The following MEGF11 variants were observed in gnomAD, a reference collection of about 807,000 sequenced individuals.
The protein encoded by MEGF11 is multiple epidermal growth factor-like domains protein 11.
In MEGF11, 126 loss-of-function variants were observed where a neutral mutation model predicts 146.6. The ratio of observed to expected loss-of-function variants is 0.86; its 90% CI spans 0.74 to 1.00. The LOEUF is 1.00. Among genes scored for constraint, MEGF11 ranks in the 50% least tolerant of loss-of-function variants. The pLI is 0.00. For synonymous variants in MEGF11, 532 were observed against 583.4 expected, an observed-to-expected ratio of 0.91 and a Z score of 1.27; for missense variants, 1,509 against 1,521.2, an observed-to-expected ratio of 0.99 and a Z score of 0.13.
chr15:66,241,817 G>A (rs777231388), intron 1 of MEGF11, among the ~76,000 whole-genome samples: 4 of 151,798 alleles, frequency 2.6e-5, no homozygotes, highest in African/African-American at 4.8e-5. Flanking sequence ...AACCCAACAC[G>A]CAAAGACACA....
At chr15:66,135,437 C>T (rs1027611821) in intron 1 of MEGF11, among the ~76,000 whole-genome samples, 2 of 152,182 alleles carry the variant, frequency 1.3e-5, no homozygotes, top group Admixed American at 6.5e-5. Context: ...AGGCGGGGCC[C>T]TGCCCCAAGC....
chr15:65,992,452 G>GT (rs1567193595), intron 5 of MEGF11, among the ~76,000 whole-genome samples: 8 of 23,440 alleles, frequency 3.4e-4, no homozygotes, highest in African/African-American at 8.0e-4. Context: ...TGTGTGTGTG[G>GT]GGGGGGGGGT....
intron 7 of MEGF11, 68 bp from the exon 8 acceptor site, chr15:65,970,757 C>T: frequency 1.3e-6 from 2 of 1,524,712 alleles, no homozygotes; most frequent in Admixed American, 3.9e-5. Flanking sequence ...GGGAATGGCA[C>T]ACCTGCTGTG....
At chr15:66,088,371 AG>A (rs2086195515) in intron 5 of MEGF11, among the ~76,000 whole-genome samples, 3 of 152,222 alleles carry the variant, frequency 2.0e-5, no homozygotes, top group Admixed American at 1.3e-4. Context: ...TAACCAAATG[AG>A]GGGGCTGGGC....
intron 9 of MEGF11, among the ~76,000 whole-genome samples, chr15:65,961,191 A>T (rs1364944567): frequency 6.6e-6 from 1 of 152,206 alleles, no homozygotes; most frequent in East Asian, 1.9e-4. Flanking sequence ...GGTGGTCCCC[A>T]TTCTCTTGAG....
chr15:66,097,769 AT>A (rs1325996559), intron 4 of MEGF11, among the ~76,000 whole-genome samples: 35 of 140,860 alleles, frequency 2.5e-4, no homozygotes, highest in African/African-American at 6.6e-4. Context: ...AAAAAAAAAA[AT>A]GCCATCTGTT....
chr15:66,068,969 G>A (rs778685677), intron 5 of MEGF11, among the ~76,000 whole-genome samples: 8 of 152,214 alleles, frequency 5.3e-5, no homozygotes, highest in Non-Finnish European at 1.0e-4. Context: ...GGGACACAGC[G>A]GTGAGACACC....
chr15:65,965,800 G>A (rs1265112142), intron 8 of MEGF11, among the ~76,000 whole-genome samples: 1 of 151,490 alleles, frequency 6.6e-6, no homozygotes, highest in Non-Finnish European at 1.5e-5. Flanking sequence ...TCAGTCTTGG[G>A]TATTTTGTTA....
rs534071044 is a variant in MEGF11, at chr15:65,957,556, C to T, written c.1278G>A (p.Pro426=). ...GCCCCTCCCATCTTACCATGAAGCC[C>T]GGAGCACAAGTGCAGCCCCCAGTGA... The part of the protein sequence containing the change: ...HSITGGCTCA[P]GFMGEVCAVS... Residue 426 remains proline, a synonymous_variant, in exon 10 of 26, where the codon CCG becomes CCA. Coordinates refer to ENST00000395614, the MANE Select transcript of MEGF11 (RefSeq NM_001385028.1). 1.8e-4 allele frequency: 285 copies of T among 1,613,118 alleles called. No homozygotes were observed. Among genetic ancestry groups the T allele is most frequent in the Middle Eastern group, 6.7e-4 (4 of 5,928 alleles).
intron 1 of MEGF11, among the ~76,000 whole-genome samples, chr15:66,132,276 C>T (rs892220863): frequency 6.6e-6 from 1 of 152,230 alleles, no homozygotes. Context: ...CTCACATTAT[C>T]CAAGATGCAT....
Position 65,982,334 on chromosome 15 carries a change from C to G in MEGF11, c.549G>C (p.Lys183Asn). 6.5e-7 allele frequency: 1 copy of G among 1,530,834 alleles called. No homozygotes were observed. Among genetic ancestry groups the G allele is most frequent in the Non-Finnish European group, 8.8e-7 (1 of 1,139,718 alleles). 94.8% of individuals were successfully genotyped at this position (1,530,834 alleles called of 1,614,324 possible). Residue 183 changes from lysine to asparagine, a missense_variant, in exon 6 of 26, where the codon AAG (lysine) becomes AAC (asparagine). Coordinates refer to ENST00000395614, the MANE Select transcript of MEGF11 (RefSeq NM_001385028.1). The surrounding 1 kb of genome is among the most constrained non-coding windows in gnomAD (Gnocchi z 5.6). ...GGCACTGGCACGGCAGCTGGCATCC[C>G]TTGCCGTGGGTGCCAGGTGCGCAGA... ...EELCAPGTHG[K>N]GCQLPCQCRH... is the part of the protein sequence containing the mutation.
At chr15:66,101,896 G>A (rs2086824966) in intron 4 of MEGF11, among the ~76,000 whole-genome samples, 1 of 152,154 alleles carries the variant, frequency 6.6e-6, no homozygotes, top group South Asian at 2.1e-4. Context: ...AGCCCTGGGG[G>A]CCCTCTGTCA....
chr15:66,068,472 A>G (rs777131190), intron 5 of MEGF11, among the ~76,000 whole-genome samples: 10 of 152,230 alleles, frequency 6.6e-5, no homozygotes, highest in Non-Finnish European at 1.5e-4. Context: ...GTCCCCTGGC[A>G]TTAAAAACCA....
chr15:66,213,211 A>G (rs1016411335), intron 1 of MEGF11, among the ~76,000 whole-genome samples: 1 of 152,158 alleles, frequency 6.6e-6, no homozygotes, highest in Non-Finnish European at 1.5e-5. Flanking sequence ...AAATGAAATC[A>G]GCCAACTAGA....
At chr15:65,914,893 T>C (rs1181165048) in intron 19 of MEGF11, among the ~76,000 whole-genome samples, 1 of 152,204 alleles carries the variant, frequency 6.6e-6, no homozygotes, top group Non-Finnish European at 1.5e-5. Flanking sequence ...TGTTCACTTA[T>C]GGGCCAGGCA....
intron 5 of MEGF11, among the ~76,000 whole-genome samples, chr15:66,039,957 C>T (rs1336465439): frequency 9.1e-6 from 1 of 110,404 alleles, no homozygotes; most frequent in African/African-American, 3.4e-5. Flanking sequence ...GGTCCTGAGC[C>T]GGGTCAGGCG....
chr15:66,123,697 G>A (rs1324156792), intron 3 of MEGF11, among the ~76,000 whole-genome samples: 1 of 152,132 alleles, frequency 6.6e-6, no homozygotes, highest in East Asian at 1.9e-4. Context: ...GCCCTCAAGA[G>A]CATTAACTCT....
chr15:65,957,710 A>G lies in MEGF11; in HGVS notation c.1124T>C (p.Val375Ala). ...TGGCTGGCAGGTACAAGCTCCAGTT[A>G]CTGGGTGGCAGCTGCACAGATGAGA... The part of the protein sequence containing the change: ...DADNTISCHP[V>A]TGACTCQPGW... Residue 375 changes from valine to alanine, a missense_variant, in exon 10 of 26, where the codon GTA (valine) becomes GCA (alanine). Physicochemically the swap from Val to Ala is moderately conservative, Grantham distance 64. Transcript: ENST00000395614. The G allele has an allele frequency of 1.9e-6, 3 of 1,613,766 alleles. No individual in the cohort carries two copies. The highest frequency in any genetic ancestry group is 1.7e-6 in the Non-Finnish European group (2 of 1,179,892).
At chr15:65,990,314 G>T (rs1317437449) in intron 5 of MEGF11, among the ~76,000 whole-genome samples, 1 of 152,208 alleles carries the variant, frequency 6.6e-6, no homozygotes, top group Non-Finnish European at 1.5e-5. Flanking sequence ...ACTTTGAAAG[G>T]CTGAGGCAGA....
Sources: gnomAD v4.1 joint callset for allele counts (sites outside exome capture counted in the v4.1 genomes callset) on GRCh38, gnomAD v4.1.1 for gene constraint, Gnocchi (gnomAD v3.1) non-coding constraint, MANE v1.5 for transcripts, NCBI Gene and HGNC (gene_info 2026-07-23, HGNC 2026-07-21) for gene names.